The following TPP2 variants were observed in gnomAD, a reference collection of about 807,000 sequenced individuals.
The protein encoded by TPP2 is tripeptidyl peptidase 2.
In TPP2, 34 loss-of-function variants were observed where a neutral mutation model predicts 155.9. The ratio of observed to expected loss-of-function variants is 0.22; its 90% CI spans 0.17 to 0.29. The LOEUF is 0.29. TPP2 is among the 10% of genes least tolerant of loss of function. TPP2 has a pLI of 1.00. For synonymous variants in TPP2, 510 were observed against 529.4 expected, an observed-to-expected ratio of 0.96 and a Z score of 0.50; for missense variants, 1,028 against 1,522.3, an observed-to-expected ratio of 0.68 and a Z score of 5.40.
intron 5 of TPP2, among the ~76,000 whole-genome samples, chr13:102,619,447 A>G (rs945665740): frequency 4.1e-5 from 6 of 147,936 alleles, no homozygotes; most frequent in Admixed American, 4.0e-4. Context: ...CAAAAAAAAA[A>G]CAAACAAACA....
chr13:102,598,807 T>G (rs1226503207), intron 1 of TPP2, among the ~76,000 whole-genome samples: 1 of 152,230 alleles, frequency 6.6e-6, no homozygotes, highest in African/African-American at 2.4e-5. Flanking sequence ...TTACTCTCTC[T>G]AAAGTAACAA....
intron 27 of TPP2, among the ~76,000 whole-genome samples, chr13:102,669,900 A>T (rs1191536017): frequency 2.6e-5 from 4 of 152,130 alleles, no homozygotes; most frequent in Non-Finnish European, 5.9e-5. Context: ...ATCAAAGAAA[A>T]ACTGCACACA....
chr13:102,663,002 G>A (rs990017965), intron 25 of TPP2, among the ~76,000 whole-genome samples: 3 of 151,896 alleles, frequency 2.0e-5, no homozygotes, highest in African/African-American at 7.3e-5. Flanking sequence ...AGCTATTTGT[G>A]AATATGCTTT....
chr13:102,614,955 A>AATGCTGATACAAGT (rs1390252388), intron 3 of TPP2, among the ~76,000 whole-genome samples: 2 of 152,154 alleles, frequency 1.3e-5, no homozygotes, highest in African/African-American at 2.4e-5. Flanking sequence ...CCGTTTTAAG[A>AATGCTGATACAAGT]ATGCTGATAC....
At chr13:102,611,780 C>A (rs970121568) in intron 2 of TPP2, among the ~76,000 whole-genome samples, 1 of 152,212 alleles carries the variant, frequency 6.6e-6, no homozygotes, top group Non-Finnish European at 1.5e-5. Flanking sequence ...TCTGTTTGTT[C>A]TAGAATTCAC....
At chr13:102,604,201 T>G (rs1320624165) in intron 1 of TPP2, among the ~76,000 whole-genome samples, 2 of 148,856 alleles carry the variant, frequency 1.3e-5, no homozygotes, top group African/African-American at 2.6e-5. Flanking sequence ...CCATTACTAC[T>G]AAACATTTTT....
chr13:102,648,877 C>G, intron 21 of TPP2, 30 bp from the exon 22 acceptor site: 1 of 1,559,714 alleles, frequency 6.4e-7, no homozygotes, highest in South Asian at 1.2e-5. Flanking sequence ...TTAAACTTAA[C>G]TTTTCCCAAA....
At chr13:102,607,561 C>T in intron 2 of TPP2, 1 of 348,812 alleles carries the variant, frequency 2.9e-6, no homozygotes, top group Non-Finnish European at 6.0e-6. Context: ...GGCTTAGAGC[C>T]ATATAAAGTA....
chr13:102,619,791 TCATA>T (rs1308366651), intron 5 of TPP2, among the ~76,000 whole-genome samples: 10 of 152,242 alleles, frequency 6.6e-5, no homozygotes, highest in Non-Finnish European at 1.0e-4. Context: ...TTGTGTGTAT[TCATA>T]CATGTTGTTT....
Position 102,646,325 on chromosome 13 carries a change from T to A in TPP2, c.2425T>A (p.Ser809Thr), listed in dbSNP as rs746352222. The A allele has an allele frequency of 1.2e-5, 19 of 1,612,780 alleles. No individual in the cohort carries two copies. Among genetic ancestry groups the A allele is most frequent in the Non-Finnish European group, 1.5e-5 (18 of 1,179,518 alleles). ...PVSAKTKPLGSRDVLPNNRQL... is the reference protein window; with the variant it reads ...PVSAKTKPLGTRDVLPNNRQL... ...GAGTGCAAAAACAAAACCTTTAGGATCAAGAGATGTTTTGCCAAATAACCG... is the reference window on the plus strand; with the variant it reads ...GAGTGCAAAAACAAAACCTTTAGGAACAAGAGATGTTTTGCCAAATAACCG... The change falls in exon 20 of 30, where the codon TCA becomes ACA. Residue 809 changes from serine to threonine, a missense_variant. Physicochemically the swap from Ser to Thr is moderately conservative, Grantham distance 58. This residue lies in a region of TPP2 where 325 missense variants were observed against 463.7 expected (regional missense o/e 0.70). Transcript: ENST00000376052.
intron 24 of TPP2, among the ~76,000 whole-genome samples, 157 bp downstream of exon 24, chr13:102,651,554 T>C (rs1467212976): frequency 1.3e-5 from 2 of 150,626 alleles, no homozygotes; most frequent in African/African-American, 4.9e-5. Context: ...CTTAGAAGCA[T>C]TGTTGACATA....
At chr13:102,602,342 A>G (rs1879494137) in intron 1 of TPP2, among the ~76,000 whole-genome samples, 1 of 151,986 alleles carries the variant, frequency 6.6e-6, no homozygotes, top group South Asian at 2.1e-4. Context: ...TTTAAGTTTT[A>G]TAGTTGTATC....
chr13:102,602,522 C>A (rs1403142468), intron 1 of TPP2, among the ~76,000 whole-genome samples: 6 of 152,060 alleles, frequency 3.9e-5, no homozygotes, highest in Non-Finnish European at 8.8e-5. Flanking sequence ...CCTTTATGAC[C>A]CCTTCAGCTA....
intron 27 of TPP2, among the ~76,000 whole-genome samples, chr13:102,669,078 C>T (rs556104560): frequency 5.9e-5 from 9 of 152,294 alleles, no homozygotes; most frequent in South Asian, 4.1e-4. Flanking sequence ...TCAGTTGAAC[C>T]GCACCATACA....
At chr13:102,606,091 A>G (rs1879807331) in intron 2 of TPP2, among the ~76,000 whole-genome samples, 1 of 152,222 alleles carries the variant, frequency 6.6e-6, no homozygotes, top group South Asian at 2.1e-4. Context: ...AAATAATTAT[A>G]AAGCAAGCAC....
chr13:102,644,910 A>G lies in TPP2; in HGVS notation c.2294A>G (p.His765Arg). The G allele has an allele frequency of 3.7e-6, 6 of 1,613,376 alleles. No homozygotes were observed. The highest frequency in any genetic ancestry group is 5.1e-6 in the Non-Finnish European group (6 of 1,179,678). The change falls in exon 19 of 30, where the codon CAT (histidine) becomes CGT (arginine). Residue 765 changes from histidine to arginine, a missense_variant and splice_region_variant. His to Arg is a conservative substitution (Grantham distance 29, BLOSUM62 0). This residue lies in a region of TPP2 where 325 missense variants were observed against 463.7 expected (regional missense o/e 0.70). Transcript: ENST00000376052. ...IVCTAPQLNIHASEGINRFDV... is the reference protein window; with the variant it reads ...IVCTAPQLNIRASEGINRFDV... ...AGTAATTTGAGAAATCCTTTGTAGC[A>G]TGCATCGGAAGGAATCAACCGCTTT...
chr13:102,609,378 G>GGAGAA (rs1412038486), intron 2 of TPP2, among the ~76,000 whole-genome samples: 9 of 149,872 alleles, frequency 6.0e-5, no homozygotes, highest in Non-Finnish European at 1.0e-4. Context: ...GCCAGCAAAG[G>GGAGAA]GAGAAGTGCC....
At chr13:102,632,548 T>C (rs17591747) in intron 10 of TPP2, among the ~76,000 whole-genome samples, 11,592 of 152,240 alleles carry the variant, frequency 0.076, 502 homozygotes, top group Middle Eastern at 0.12. Flanking sequence ...CTGAGACTCA[T>C]TTTTAGAATA....
intron 2 of TPP2, among the ~76,000 whole-genome samples, chr13:102,611,683 C>A (rs1032948008): frequency 1.3e-5 from 2 of 152,114 alleles, no homozygotes; most frequent in Non-Finnish European, 2.9e-5. Context: ...AAGACATTTC[C>A]ACTAGCAGTG....
Sources: gnomAD v4.1 joint callset for allele counts (sites outside exome capture counted in the v4.1 genomes callset) on GRCh38, gnomAD v4.1.1 for gene constraint, gnomAD v4.1.1 regional missense constraint, MANE v1.5 for transcripts, NCBI Gene and HGNC (gene_info 2026-07-23, HGNC 2026-07-21) for gene names.